CDH8: variants seen among roughly 807,000 people sequenced by gnomAD.
The protein encoded by CDH8 is cadherin 8.
Under a neutral mutation model 68.1 loss-of-function variants are expected in CDH8, and 17 were observed. That is an observed-to-expected ratio of 0.25 (90% CI 0.17 to 0.37). CDH8 has a LOEUF of 0.37. Ranked by LOEUF, CDH8 falls within the 10% of genes least tolerant of loss-of-function variation. CDH8 has a pLI of 1.00. For missense variants in CDH8, 763 were observed against 999.3 expected (o/e 0.76, Z 3.19); for synonymous variants, 372 against 365.1 (o/e 1.02, Z -0.21).
intron 10 of CDH8, among the ~76,000 whole-genome samples, chr16:61,686,142 T>C (rs1423138131): frequency 6.6e-6 from 1 of 152,060 alleles, no homozygotes; most frequent in Non-Finnish European, 1.5e-5. Context: ...GATATTTCTA[T>C]GTCAGTGAAT....
In CDH8 at chr16:61,995,455, G is replaced by T. The variant is rs957370318; in HGVS notation, c.252+25697C>A. The stretch of plus-strand genomic sequence containing the variant: ...TGCAGTGGCACGATCTCGGCTCACT[G>T]CAACCTCAGCCTCCCAGGTTCAAGC... On this transcript the variant is annotated intron_variant, in intron 2 of 11. Coordinates refer to ENST00000577390, the MANE Select transcript of CDH8 (RefSeq NM_001796.5). Among the ~76,000 whole-genome samples the T allele has an allele frequency of 7.2e-5, 11 of 152,164 alleles. No homozygotes were observed. In the East Asian group the frequency reaches 2.1e-3, roughly 29 times the overall value.
intron 2 of CDH8, 131 bp from the exon 3 acceptor site, chr16:61,901,604 A>G (rs930682390): frequency 3.6e-5 from 23 of 634,706 alleles, no homozygotes; most frequent in Non-Finnish European, 5.5e-5. Context: ...GTAGCTGTAC[A>G]AAGTGTATGC....
At chr16:61,679,290 T>C (rs1036838572) in intron 10 of CDH8, among the ~76,000 whole-genome samples, 1 of 152,026 alleles carries the variant, frequency 6.6e-6, no homozygotes, top group South Asian at 2.1e-4. Context: ...AAAATCAGCT[T>C]TTGCATCCAC....
intron 10 of CDH8, among the ~76,000 whole-genome samples, chr16:61,658,126 T>C (rs1963486953): frequency 6.6e-6 from 1 of 152,040 alleles, no homozygotes; most frequent in Admixed American, 6.6e-5. Context: ...GTAATTGTAT[T>C]TGTTTTCAAT....
intron 2 of CDH8, among the ~76,000 whole-genome samples, chr16:61,989,149 A>G (rs535515884): frequency 2.0e-5 from 3 of 152,364 alleles, no homozygotes; most frequent in Admixed American, 2.0e-4. Context: ...TAGTTCTAAC[A>G]TCTTAGTCAG....
chr16:61,947,922 G>C (rs1188557436), intron 2 of CDH8, among the ~76,000 whole-genome samples: 1 of 152,132 alleles, frequency 6.6e-6, no homozygotes, highest in East Asian at 1.9e-4. Flanking sequence ...CAGTGAGATA[G>C]TCAGGCAAAC....
At position 62,017,867 on chromosome 16, in the gene CDH8, T is replaced by G. The variant is rs148718448; in HGVS notation, c.252+3285A>C. Among the ~76,000 whole-genome samples the G allele has an allele frequency of 3.3e-3, 495 of 152,156 alleles. 4 individuals carry two copies. The highest frequency in any genetic ancestry group is 8.9e-3 in the African/African-American group (368 of 41,512). On this transcript the variant is annotated intron_variant, in intron 2 of 11. Transcript: ENST00000577390. ...CCCCACACCCCCGGGCCAGTGACTC[T>G]TCAAGACACACAGAAACATCACCTC...
chr16:62,028,414 C>A (rs1902246891), intron 1 of CDH8, among the ~76,000 whole-genome samples: 1 of 151,948 alleles, frequency 6.6e-6, no homozygotes, highest in Admixed American at 6.6e-5. Flanking sequence ...TCCTCTCTAC[C>A]TGAAGTTTTT....
intron 2 of CDH8, among the ~76,000 whole-genome samples, chr16:62,006,979 C>G (rs1965985373): frequency 6.6e-6 from 1 of 151,220 alleles, no homozygotes; most frequent in Admixed American, 6.6e-5. Context: ...ACAATCTTGG[C>G]TCACCGCAAC....
chr16:61,790,620 G>T lies in CDH8; in HGVS notation c.1278-1138C>A, dbSNP rs373939194. On this transcript the variant is annotated intron_variant, in intron 7 of 11. Coordinates refer to ENST00000577390, the MANE Select transcript of CDH8 (RefSeq NM_001796.5). Reference sequence around the variant, plus strand: ...TGGTCCATGCCAGTTAGTACTGAGCGCATTTCTTATACATGTTCTTGATAG... The same window carrying T: ...TGGTCCATGCCAGTTAGTACTGAGCTCATTTCTTATACATGTTCTTGATAG... Among the ~76,000 whole-genome samples the T allele has an allele frequency of 7.2e-5, 11 of 152,036 alleles. No individual in the cohort carries two copies. The East Asian group carries it at 1.4e-3, about 19-fold the overall frequency.
At chr16:61,710,729 C>T (rs1316096587) in intron 10 of CDH8, 1 of 152,006 alleles carries the variant, frequency 6.6e-6, no homozygotes, top group Non-Finnish European at 1.5e-5. Context: ...AGACGGTGCT[C>T]TGGCAATTTG....
At chr16:61,669,738 C>G (rs1963753890) in intron 10 of CDH8, among the ~76,000 whole-genome samples, 1 of 151,896 alleles carries the variant, frequency 6.6e-6, no homozygotes, top group African/African-American at 2.4e-5. Flanking sequence ...CCATCAGATA[C>G]GAATGAGAGA....
intron 2 of CDH8, among the ~76,000 whole-genome samples, chr16:61,960,258 T>TACATATATACGTGTGTGTATACAC (rs1965110968): frequency 1.9e-5 from 1 of 51,832 alleles, no homozygotes; most frequent in Non-Finnish European, 3.5e-5. Flanking sequence ...TGTATACACA[T>TACATATATACGTGTGTGTATACAC]ACATATATAC....
In CDH8 at chr16:61,653,711, G is replaced by A; in HGVS notation, c.2297C>T (p.Thr766Ile). Residue 766 changes from threonine to isoleucine, a missense_variant, in exon 12 of 12, where the codon ACA becomes ATA. By Grantham distance (89) the Thr-to-Ile change is moderately conservative. Transcript: ENST00000577390. ...AGSLSSLEST[T>I]SDSDQNFDYL... ...GTCAAAATTCTGGTCTGAGTCTGAT[G>A]TGGTGGACTCCAAGGAGCTGAGGGA... is the stretch of plus-strand genomic sequence containing the variant. 3 of 1,614,178 alleles carry A rather than the reference G, an allele frequency of 1.9e-6. No homozygotes were observed. Among genetic ancestry groups the A allele is most frequent in the South Asian group, 2.2e-5 (2 of 91,082 alleles).
chr16:62,021,505 T>TA lies in CDH8; in HGVS notation c.-103dup. 1.3e-6 allele frequency: 2 copies of TA among 1,508,614 alleles called. No homozygotes were observed. The highest frequency in any genetic ancestry group is 1.8e-6 in the Non-Finnish European group (2 of 1,133,628). 93.5% of individuals were successfully genotyped at this position (1,508,614 alleles called of 1,614,324 possible). The stretch of plus-strand genomic sequence containing the variant: ...CATCATGCAGTGCCGAGCATTTACT[T>TA]ACAGCTCTGCCACGTGTCTATAGCA... On this transcript the variant is annotated 5_prime_UTR_variant, in exon 2 of 12. It introduces an in-frame stop codon into an upstream open reading frame of the 5' UTR. Transcript: ENST00000577390.
intron 10 of CDH8, among the ~76,000 whole-genome samples, chr16:61,691,424 C>T (rs1964220621): frequency 6.6e-6 from 1 of 151,570 alleles, no homozygotes; most frequent in African/African-American, 2.4e-5. Flanking sequence ...TTGCCTCCAT[C>T]TCATTATCCC....
At position 61,864,302 on chromosome 16, in the gene CDH8, G is replaced by A. The variant is rs749194883; in HGVS notation, c.548-7064C>T. 4.8e-3 allele frequency among the ~76,000 whole-genome samples: 673 copies of A among 140,690 alleles called. 4 individuals are homozygous for A. The highest frequency in any genetic ancestry group is 7.7e-3 in the Admixed American group (114 of 14,776). 92.3% of individuals were successfully genotyped at this position (140,690 alleles called of 152,430 possible). On this transcript the variant is annotated intron_variant, in intron 3 of 11. Coordinates refer to ENST00000577390, the MANE Select transcript of CDH8 (RefSeq NM_001796.5). ...GGTTGGCTGGATGTCCGGTTGGTTG[G>A]TTGGTTGGTTGGTTGGTTGGTTGGT...
At chr16:61,779,371 G>A (rs1202185278) in intron 8 of CDH8, among the ~76,000 whole-genome samples, 1 of 150,172 alleles carries the variant, frequency 6.7e-6, no homozygotes, top group Non-Finnish European at 1.5e-5. Context: ...AACCAACAAT[G>A]CCTCATCTTT....
chr16:61,748,210 T>C (rs906527841), intron 8 of CDH8, among the ~76,000 whole-genome samples: 1 of 123,686 alleles, frequency 8.1e-6, no homozygotes, highest in African/African-American at 4.0e-5. Flanking sequence ...ATGTCTGCCA[T>C]TTGAGAATGT....
Sources: allele counts gnomAD v4.1 joint callset (sites outside exome capture counted in the v4.1 genomes callset), GRCh38; gene constraint gnomAD v4.1.1; transcripts MANE v1.5; gene names NCBI Gene and HGNC (gene_info 2026-07-23, HGNC 2026-07-21).